The following UNC79 variants were observed in gnomAD, a reference collection of about 807,000 sequenced individuals.
UNC79 encodes unc-79 subunit of NALCN channel complex.
UNC79 carries 37 observed loss-of-function variants against 283.1 expected under a neutral mutation model. The ratio of observed to expected loss-of-function variants is 0.13; its 90% CI spans 0.10 to 0.17. The LOEUF is 0.17. UNC79 is among the 10% of genes least tolerant of loss of function. The pLI, the probability that UNC79 is intolerant of heterozygous loss-of-function variation, is 1.00. For synonymous variants in UNC79, 1,107 were observed against 1,200.2 expected, an observed-to-expected ratio of 0.92 and a Z score of 1.61; for missense variants, 2,272 against 3,211.1, an observed-to-expected ratio of 0.71 and a Z score of 7.07.
intron 7 of UNC79, among the ~76,000 whole-genome samples, chr14:93,510,025 C>T (rs989528329): frequency 6.6e-6 from 1 of 152,238 alleles, no homozygotes; most frequent in Non-Finnish European, 1.5e-5. Context: ...AACTCTTGCC[C>T]TCTGCATATC....
intron 1 of UNC79, among the ~76,000 whole-genome samples, chr14:93,401,581 A>C (rs1338619947): frequency 6.6e-6 from 1 of 152,214 alleles, no homozygotes; most frequent in Non-Finnish European, 1.5e-5. Context: ...TACTGCTTGA[A>C]GTCTCCTGCT....
chr14:93,346,142 A>ATCT (rs2053823246), intron 1 of UNC79, among the ~76,000 whole-genome samples: 1 of 152,044 alleles, frequency 6.6e-6, no homozygotes, highest in Admixed American at 6.6e-5. Context: ...ACCCTTCCTG[A>ATCT]AAGAACAGCT....
At chr14:93,446,848 T>C (rs1055677321) in intron 1 of UNC79, among the ~76,000 whole-genome samples, 10 of 152,264 alleles carry the variant, frequency 6.6e-5, no homozygotes, top group African/African-American at 1.9e-4. Context: ...TCAAATATAG[T>C]CTATACTGGT....
At chr14:93,626,082 G>A (rs2067549764) in intron 30 of UNC79, among the ~76,000 whole-genome samples, 2 of 152,122 alleles carry the variant, frequency 1.3e-5, no homozygotes, top group South Asian at 4.2e-4. Flanking sequence ...ATGTTGGCTG[G>A]TATCATTTTA....
At chr14:93,553,204 G>A (rs548063975) in intron 14 of UNC79, among the ~76,000 whole-genome samples, 1 of 152,278 alleles carries the variant, frequency 6.6e-6, no homozygotes, top group African/African-American at 2.4e-5. Flanking sequence ...TTTGCTTATA[G>A]GTTGTAGTTT....
chr14:93,443,712 G>A (rs573820898), intron 1 of UNC79, among the ~76,000 whole-genome samples: 2 of 152,138 alleles, frequency 1.3e-5, no homozygotes, highest in South Asian at 2.1e-4. Context: ...CATGAGCCAC[G>A]GCACCTGGCT....
intron 2 of UNC79, among the ~76,000 whole-genome samples, chr14:93,470,255 G>T (rs112812046): frequency 1.3e-5 from 2 of 152,188 alleles, no homozygotes; most frequent in African/African-American, 2.4e-5. Context: ...GCAATAGTTC[G>T]TGGTATTTGT....
chr14:93,519,870 A>G (rs1022839653), intron 7 of UNC79, among the ~76,000 whole-genome samples: 1 of 151,622 alleles, frequency 6.6e-6, no homozygotes, highest in African/African-American at 2.4e-5. Context: ...TTACTTCTAT[A>G]TATATTATTA....
chr14:93,571,303 C>T (rs1180683761), intron 14 of UNC79, among the ~76,000 whole-genome samples: 1 of 152,164 alleles, frequency 6.6e-6, no homozygotes, highest in Non-Finnish European at 1.5e-5. Flanking sequence ...CTTTTTCCTG[C>T]TCTTAAAAAT....
chr14:93,516,043 G>C (rs975886767), intron 7 of UNC79, among the ~76,000 whole-genome samples: 5 of 151,882 alleles, frequency 3.3e-5, no homozygotes, highest in African/African-American at 1.2e-4. Context: ...GGTTGGATTT[G>C]TTTTTCCTTT....
chr14:93,567,883 A>C (rs1016836365), intron 14 of UNC79, among the ~76,000 whole-genome samples: 3 of 152,184 alleles, frequency 2.0e-5, no homozygotes, highest in African/African-American at 7.2e-5. Context: ...TGAGACATCA[A>C]TCAATATATG....
chr14:93,430,465 T>G lies in UNC79; in HGVS notation c.-565T>G, dbSNP rs1339581948. Reference sequence around the variant, plus strand: ...CGCCCCGGATCCGCCTCCCTCTCCTTCCTCCCCGAGGTTGAGACGAAGCGT... The same window carrying G: ...CGCCCCGGATCCGCCTCCCTCTCCTGCCTCCCCGAGGTTGAGACGAAGCGT... On this transcript the variant is annotated 5_prime_UTR_variant, in exon 1 of 49. Transcript: ENST00000555664. The surrounding 1 kb of genome is among the most constrained non-coding windows in gnomAD (Gnocchi z 4.6). The G allele has an allele frequency of 6.6e-6, 1 of 152,472 alleles. No homozygotes were observed. Among genetic ancestry groups the G allele is most frequent in the Non-Finnish European group, 1.5e-5 (1 of 68,318 alleles). 9.4% of individuals were successfully genotyped at this position (152,472 alleles called of 1,614,324 possible).
chr14:93,673,264 G>T (rs536276997), intron 40 of UNC79, 87 bp from the exon 44 acceptor site: 2 of 1,142,254 alleles, frequency 1.8e-6, no homozygotes, highest in South Asian at 3.1e-5. Flanking sequence ...TTTCTGACCC[G>T]TGAATTTTTT....
At chr14:93,399,282 A>T (rs1478183485) in intron 1 of UNC79, among the ~76,000 whole-genome samples, 1 of 152,108 alleles carries the variant, frequency 6.6e-6, no homozygotes, top group East Asian at 1.9e-4. Flanking sequence ...TTGGGTGGGG[A>T]CACAGCCAAA....
chr14:93,343,305 G>C (rs1343242572), intron 1 of UNC79, among the ~76,000 whole-genome samples: 1 of 152,172 alleles, frequency 6.6e-6, no homozygotes, highest in East Asian at 1.9e-4. Flanking sequence ...ATGGTAGAAG[G>C]CAAAGGGGAG....
chr14:93,337,840 C>G (rs576462395), intron 1 of UNC79, among the ~76,000 whole-genome samples: 1 of 152,236 alleles, frequency 6.6e-6, no homozygotes, highest in South Asian at 2.1e-4. Flanking sequence ...TGTTTCCAAG[C>G]TTTTGGGTGC....
chr14:93,552,464 T>A (rs899690067), intron 14 of UNC79, among the ~76,000 whole-genome samples: 2 of 152,194 alleles, frequency 1.3e-5, no homozygotes, highest in African/African-American at 4.8e-5. Context: ...AGAAAATTTT[T>A]AAAATGTTAG....
chr14:93,479,095 C>T (rs562270325), intron 4 of UNC79, among the ~76,000 whole-genome samples: 1 of 152,052 alleles, frequency 6.6e-6, no homozygotes, highest in Non-Finnish European at 1.5e-5. Context: ...ATAGTCATAT[C>T]TTTAAAATAA....
chr14:93,560,506 ATAG>A, intron 14 of UNC79, among the ~76,000 whole-genome samples: 2 of 152,278 alleles, frequency 1.3e-5, no homozygotes, highest in East Asian at 3.9e-4. Flanking sequence ...GAAGGTCGTG[ATAG>A]AGGTTGAAAT....
Sources: gnomAD v4.1 joint callset for allele counts (sites outside exome capture counted in the v4.1 genomes callset) on GRCh38, gnomAD v4.1.1 for gene constraint, Gnocchi (gnomAD v3.1) non-coding constraint, MANE v1.5 for transcripts, NCBI Gene and HGNC (gene_info 2026-07-23, HGNC 2026-07-21) for gene names.